PRKG1: variants seen among roughly 807,000 people sequenced by gnomAD.
The protein encoded by PRKG1 is cGMP-dependent protein kinase 1.
In PRKG1, 35 loss-of-function variants were observed where a neutral mutation model predicts 88.1. That is an observed-to-expected ratio of 0.40 (90% CI 0.30 to 0.53). PRKG1 has a LOEUF of 0.53. Ranked by LOEUF, PRKG1 falls within the 20% of genes least tolerant of loss-of-function variation. The probability of loss-of-function intolerance (pLI) is 0.59; values close to 1 mark genes in which losing one functional copy is unlikely to be tolerated. For missense variants in PRKG1, 540 were observed against 839.8 expected (o/e 0.64, Z 4.41); for synonymous variants, 303 against 292.5 (o/e 1.04, Z -0.37).
At chr10:52,150,149 A>AAATAATATAAT (rs1554810252) in intron 8 of PRKG1, among the ~76,000 whole-genome samples, 1 of 82,400 alleles carries the variant, frequency 1.2e-5, no homozygotes, top group Non-Finnish European at 3.1e-5. Flanking sequence ...CTCCATCTCA[A>AAATAATATAAT]AATAATAATA....
intron 5 of PRKG1, among the ~76,000 whole-genome samples, chr10:51,977,653 A>C (rs1242816850): frequency 6.6e-6 from 1 of 152,024 alleles, no homozygotes; most frequent in Non-Finnish European, 1.5e-5. Flanking sequence ...CTTTTTAATA[A>C]TTGCCATTCT....
At chr10:51,620,641 C>T (rs775843640) in intron 3 of PRKG1, among the ~76,000 whole-genome samples, 1 of 151,912 alleles carries the variant, frequency 6.6e-6, no homozygotes, top group African/African-American at 2.4e-5. Flanking sequence ...TGTTAATATT[C>T]CTATTGTTTC....
At chr10:52,081,778 T>C (rs1846782144) in intron 7 of PRKG1, 1 of 424,854 alleles carries the variant, frequency 2.4e-6, no homozygotes, top group Non-Finnish European at 4.7e-6. Flanking sequence ...GGGTGGTCGG[T>C]ATGGTCCTCA....
At chr10:51,061,062 T>TGTGTGTGTGTGTGC (rs1843687091) in intron 1 of PRKG1, among the ~76,000 whole-genome samples, 1 of 150,852 alleles carries the variant, frequency 6.6e-6, no homozygotes, top group Non-Finnish European at 1.5e-5. Context: ...TACCTAGGGG[T>TGTGTGTGTGTGTGC]GTGTGTGTGT....
intron 5 of PRKG1, among the ~76,000 whole-genome samples, chr10:52,009,447 C>G (rs1175945659): frequency 6.6e-6 from 1 of 151,978 alleles, no homozygotes; most frequent in South Asian, 2.1e-4. Flanking sequence ...AATAAAATAC[C>G]TAAGAATACA....
chr10:51,507,165 G>T (rs139210031), intron 3 of PRKG1, among the ~76,000 whole-genome samples: 5 of 136,984 alleles, frequency 3.7e-5, no homozygotes, highest in Non-Finnish European at 7.8e-5. Context: ...GTAGGGGGAG[G>T]GGGGAGGGAT....
At chr10:51,650,615 A>G (rs1414560390) in intron 3 of PRKG1, among the ~76,000 whole-genome samples, 1 of 152,220 alleles carries the variant, frequency 6.6e-6, no homozygotes, top group Non-Finnish European at 1.5e-5. Flanking sequence ...TAATCATGTA[A>G]CATAACATTT....
At chr10:51,347,524 C>G (rs1007934450) in intron 2 of PRKG1, among the ~76,000 whole-genome samples, 1 of 152,008 alleles carries the variant, frequency 6.6e-6, no homozygotes, top group Non-Finnish European at 1.5e-5. Flanking sequence ...AGTAGTCCCC[C>G]TAAAAACTGG....
chr10:51,617,148 A>G (rs1589133979), intron 3 of PRKG1, among the ~76,000 whole-genome samples: 1 of 152,148 alleles, frequency 6.6e-6, no homozygotes, highest in Non-Finnish European at 1.5e-5. Context: ...CTAGGATTGC[A>G]GAAGTTCACA....
chr10:52,003,824 T>C (rs1294962097), intron 5 of PRKG1, among the ~76,000 whole-genome samples: 3 of 152,210 alleles, frequency 2.0e-5, no homozygotes, highest in African/African-American at 7.2e-5. Flanking sequence ...AGCCCATCTA[T>C]GTCCCTCTGA....
intron 3 of PRKG1, among the ~76,000 whole-genome samples, chr10:51,505,801 G>T: frequency 6.6e-6 from 1 of 152,084 alleles, no homozygotes; most frequent in Non-Finnish European, 1.5e-5. Context: ...GTATTTCTGT[G>T]GGATCGGTAG....
intron 1 of PRKG1, among the ~76,000 whole-genome samples, chr10:51,105,493 G>C (rs543520267): frequency 6.6e-6 from 1 of 152,276 alleles, no homozygotes; most frequent in South Asian, 2.1e-4. Flanking sequence ...CACGAAGGGA[G>C]AAAAGAAGGT....
At chr10:51,153,413 A>C in intron 2 of PRKG1, 83 bp downstream of exon 2, 1 of 1,294,842 alleles carries the variant, frequency 7.7e-7, no homozygotes, top group South Asian at 2.0e-5. Flanking sequence ...AATGCATTAC[A>C]TGGAAAATTC....
chr10:51,406,978 G>T (rs1275366754), intron 2 of PRKG1, among the ~76,000 whole-genome samples: 1 of 152,212 alleles, frequency 6.6e-6, no homozygotes, highest in Non-Finnish European at 1.5e-5. Context: ...TTGAGGGCAG[G>T]AAGCATCCAG....
intron 14 of PRKG1, among the ~76,000 whole-genome samples, chr10:52,287,384 A>G (rs925020761): frequency 3.3e-5 from 5 of 152,078 alleles, no homozygotes; most frequent in African/African-American, 1.2e-4. Context: ...TCAAAGCAGA[A>G]TCCATCACAG....
At chr10:52,054,014 T>C (rs1437326787) in intron 5 of PRKG1, among the ~76,000 whole-genome samples, 8 of 152,106 alleles carry the variant, frequency 5.3e-5, no homozygotes, top group Admixed American at 1.3e-4. Context: ...GAATGACAAA[T>C]AAAATAATAT....
chr10:51,404,592 G>C (rs371500600), intron 2 of PRKG1, among the ~76,000 whole-genome samples: 1 of 152,154 alleles, frequency 6.6e-6, no homozygotes, highest in East Asian at 1.9e-4. Context: ...ATACTTGCTT[G>C]GGTGGAAATC....
chr10:51,674,298 G>A (rs903092864), intron 3 of PRKG1, among the ~76,000 whole-genome samples: 1 of 151,948 alleles, frequency 6.6e-6, no homozygotes, highest in South Asian at 2.1e-4. Context: ...ATGTACATTA[G>A]GTATTTCTCC....
At position 51,889,060 on chromosome 10, in the gene PRKG1, C is replaced by CTTT. The variant is rs35369136; in HGVS notation, c.699-18435_699-18433dup. Among the ~76,000 whole-genome samples, 747 of 145,650 alleles carry CTTT rather than the reference C, an allele frequency of 5.1e-3. 5 individuals are homozygous for CTTT. Among genetic ancestry groups the CTTT allele is most frequent in the African/African-American group, 0.016 (628 of 39,458 alleles). ...CAGAGCCCTCCACTTAACACACATT[C>CTTT]TTTTTTTTTTTTTTAATACTTTAAG... On this transcript the variant is annotated intron_variant, in intron 4 of 17. Coordinates refer to ENST00000373980, the MANE Select transcript of PRKG1 (RefSeq NM_006258.4).
Sources: allele counts gnomAD v4.1 joint callset (sites outside exome capture counted in the v4.1 genomes callset), GRCh38; gene constraint gnomAD v4.1.1; transcripts MANE v1.5; gene names NCBI Gene and HGNC (gene_info 2026-07-23, HGNC 2026-07-21).